Variants in DNAH9 observed in about 807,000 individuals in gnomAD.
DNAH9 encodes dynein axonemal heavy chain 9, also known as DNAH9 variant protein.
Under a neutral mutation model 471.6 loss-of-function variants are expected in DNAH9, and 345 were observed. The ratio of observed to expected loss-of-function variants is 0.73; its 90% CI spans 0.67 to 0.80. The LOEUF (loss-of-function observed/expected upper bound fraction) is 0.80, where lower values mean the gene tolerates loss of function less well. DNAH9 is among the 30% of genes least tolerant of loss of function. The probability of loss-of-function intolerance (pLI) is 0.00; values close to 1 mark genes in which losing one functional copy is unlikely to be tolerated. For synonymous variants in DNAH9, 2,093 were observed against 2,123.6 expected, an observed-to-expected ratio of 0.99 and a Z score of 0.40; for missense variants, 5,407 against 5,609.2, an observed-to-expected ratio of 0.96 and a Z score of 1.15.
rs749356433 is a variant in DNAH9, at chr17:11,793,644, G to T, written c.8203G>T (p.Val2735Leu). The stretch of plus-strand genomic sequence containing the variant: ...TCTTTTTGATAAAATCCAGACAGAA[G>T]TGCTCAAGAAAACTTTTGATGTGAG... The part of the protein sequence containing the change: ...FDLFDKIQTE[V>L]LKKTFDDIED... The change falls in exon 42 of 69, where the codon GTG becomes TTG. Residue 2735 changes from valine to leucine, a missense_variant. Val to Leu is a conservative substitution (Grantham distance 32). Transcript: ENST00000262442. 3 of 1,611,684 alleles carry T rather than the reference G, an allele frequency of 1.9e-6. No individual in the cohort carries two copies. The highest frequency in any genetic ancestry group is 2.5e-6 in the Non-Finnish European group (3 of 1,179,460).
intron 33 of DNAH9, 96 bp downstream of exon 33, chr17:11,753,056 G>A: frequency 3.9e-6 from 4 of 1,033,020 alleles, no homozygotes; most frequent in Non-Finnish European, 5.5e-6. Flanking sequence ...GATTCCACAT[G>A]ATGGCTGGCT....
At chr17:11,786,257 A>G (rs1183750746) in intron 41 of DNAH9, among the ~76,000 whole-genome samples, 1 of 152,098 alleles carries the variant, frequency 6.6e-6, no homozygotes, top group Non-Finnish European at 1.5e-5. Flanking sequence ...ACTCACGACA[A>G]CCCTTTGGGA....
At chr17:11,678,514 C>T (rs1477417280) in intron 17 of DNAH9, among the ~76,000 whole-genome samples, 2 of 152,158 alleles carry the variant, frequency 1.3e-5, no homozygotes, top group East Asian at 1.9e-4. Context: ...AACATAAATT[C>T]TCTTTGATTA....
Position 11,645,873 on chromosome 17 carries a change from C to CTTTTTTTTTTTTT in DNAH9, c.1970+1179_1970+1180insTTTTTTTTTTTTT, listed in dbSNP as rs1205010044. 3.5e-4 allele frequency among the ~76,000 whole-genome samples: 48 copies of CTTTTTTTTTTTTT among 138,740 alleles called. 1 individual carries two copies. The highest frequency in any genetic ancestry group is 1.2e-3 in the African/African-American group (43 of 35,100). 91.0% of individuals were successfully genotyped at this position (138,740 alleles called of 152,430 possible). ...TGATGTCCTGTACATTTCTCTTTTT[C>CTTTTTTTTTTTTT]TTTTTCTTTTTTTTTTTTTTTTTTG... On this transcript the variant is annotated intron_variant, in intron 11 of 68. Transcript: ENST00000262442.
intron 35 of DNAH9, among the ~76,000 whole-genome samples, chr17:11,762,758 GTTTTTTTTTTTGTTTTTTTTTTTTT>G (rs1368470837): frequency 1.1e-5 from 1 of 94,790 alleles, no homozygotes; most frequent in Non-Finnish European, 2.1e-5. Context: ...CTTTAGGTGC[GTTTTTTTTTTTGTTTTTTTTTTTTT>G]TTTTTTTTTT....
chr17:11,735,105 G>A (rs2075324142), intron 28 of DNAH9, among the ~76,000 whole-genome samples: 1 of 152,202 alleles, frequency 6.6e-6, no homozygotes, highest in Non-Finnish European at 1.5e-5. Flanking sequence ...GTGGGATGGA[G>A]GTTAAGTGCC....
At position 11,870,898 on chromosome 17, in the gene DNAH9, A is replaced by G. The variant is rs115294767; in HGVS notation, c.10054-700A>G. ...GTGTAATCTGAAAACAGGCATGTGA[A>G]TGACTGGGTTGGCAAATCTCTAAGG... On this transcript the variant is annotated intron_variant, in intron 51 of 68. Transcript: ENST00000262442. Among the ~76,000 whole-genome samples the G allele has an allele frequency of 8.8e-3, 1,336 of 152,246 alleles. 18 individuals carry two copies. Among genetic ancestry groups the G allele is most frequent in the African/African-American group, 0.031 (1,273 of 41,528 alleles).
At chr17:11,807,977 G>T in intron 44 of DNAH9, 83 bp downstream of exon 44, 26 of 1,456,378 alleles carry the variant, frequency 1.8e-5, no homozygotes, top group Non-Finnish European at 2.4e-5. Context: ...TCGTTCTCCA[G>T]TTCCCCTGTC....
At chr17:11,798,442 A>C (rs1969332612) in intron 43 of DNAH9, among the ~76,000 whole-genome samples, 1 of 103,956 alleles carries the variant, frequency 9.6e-6, no homozygotes, top group Admixed American at 9.3e-5. Context: ...CAAAAAAAAA[A>C]AAAAAAAAAA....
chr17:11,687,109 C>CCT (rs1439385706), intron 19 of DNAH9, among the ~76,000 whole-genome samples: 2 of 152,162 alleles, frequency 1.3e-5, no homozygotes, highest in Non-Finnish European at 2.9e-5. Flanking sequence ...GGAGAAAGCT[C>CCT]CTCTCTCTAT....
chr17:11,887,785 A>C (rs1273990973), intron 57 of DNAH9, among the ~76,000 whole-genome samples: 2 of 151,852 alleles, frequency 1.3e-5, no homozygotes, highest in Non-Finnish European at 2.9e-5. Context: ...ACACTTCAGA[A>C]TCTGTGGAGT....
intron 48 of DNAH9, among the ~76,000 whole-genome samples, chr17:11,826,363 G>GGA (rs1555604404): frequency 6.6e-6 from 1 of 151,244 alleles, no homozygotes; most frequent in Non-Finnish European, 1.5e-5. Flanking sequence ...GAAGCTGGGG[G>GGA]GGTAATTTTA....
intron 67 of DNAH9, among the ~76,000 whole-genome samples, chr17:11,957,618 A>AAAC (rs71142259): frequency 0.51 from 76,902 of 150,208 alleles, 20,370 homozygotes; most frequent in Middle Eastern, 0.59. Context: ...GATGCAGACA[A>AAAC]AACAACAACA....
chr17:11,601,394 A>T (rs1055426064), intron 1 of DNAH9, among the ~76,000 whole-genome samples: 1 of 152,126 alleles, frequency 6.6e-6, no homozygotes, highest in Non-Finnish European at 1.5e-5. Flanking sequence ...GGAAGAGAGG[A>T]CATTCTTTAA....
In DNAH9 at chr17:11,854,323, T is replaced by C; in HGVS notation, c.9828T>C (p.Tyr3276=). 6.2e-7 allele frequency: 1 copy of C among 1,614,132 alleles called. No homozygotes were observed. Among genetic ancestry groups the C allele is most frequent in the Non-Finnish European group, 8.5e-7 (1 of 1,180,038 alleles). Reference sequence around the variant, plus strand: ...GGGTCATCAATATTGTGAGATTTTATGAGGTGTTCTGTGATGTGGAACCCA... The same window carrying C: ...GGGTCATCAATATTGTGAGATTTTACGAGGTGTTCTGTGATGTGGAACCCA... ...CSWVINIVRF[Y]EVFCDVEPKR... Residue 3276 remains tyrosine, a synonymous_variant, in exon 50 of 69, where the codon TAT becomes TAC. Transcript: ENST00000262442.
intron 6 of DNAH9, among the ~76,000 whole-genome samples, chr17:11,625,307 G>T (rs1420672360): frequency 1.3e-5 from 2 of 152,114 alleles, no homozygotes; most frequent in African/African-American, 4.8e-5. Flanking sequence ...CAGGTACATA[G>T]GTAATAAGCT....
At chr17:11,912,865 T>A (rs1280628806) in intron 61 of DNAH9, among the ~76,000 whole-genome samples, 1 of 150,142 alleles carries the variant, frequency 6.7e-6, no homozygotes, top group Non-Finnish European at 1.5e-5. Flanking sequence ...TGTGCTTTTA[T>A]TTTTTTTTAA....
intron 14 of DNAH9, 41 bp downstream of exon 14, chr17:11,653,043 G>A: frequency 6.2e-7 from 1 of 1,601,148 alleles, no homozygotes; most frequent in Admixed American, 1.7e-5. Context: ...TACGAGTTTA[G>A]GGAAAGCATC....
chr17:11,639,993 G>A (rs2073239403), intron 9 of DNAH9, among the ~76,000 whole-genome samples: 1 of 152,158 alleles, frequency 6.6e-6, no homozygotes, highest in South Asian at 2.1e-4. Context: ...ACAAGAGTTA[G>A]ACTCCTTGAA....
Sources: gnomAD v4.1 joint callset for allele counts (sites outside exome capture counted in the v4.1 genomes callset) on GRCh38, gnomAD v4.1.1 for gene constraint, MANE v1.5 for transcripts, NCBI Gene and HGNC (gene_info 2026-07-23, HGNC 2026-07-21) for gene names.